The following PFKL variants were observed in gnomAD, a reference collection of about 807,000 sequenced individuals.
PFKL encodes phosphofructokinase, liver type.
Under a neutral mutation model 92.1 loss-of-function variants are expected in PFKL, and 74 were observed. The observed-to-expected ratio is 0.80, with a 90% CI of 0.67 to 0.97. The LOEUF (loss-of-function observed/expected upper bound fraction) is 0.97, where lower values mean the gene tolerates loss of function less well. Ranked by LOEUF, PFKL falls within the 50% of genes least tolerant of loss-of-function variation. PFKL has a pLI of 0.00. For synonymous variants in PFKL, 494 were observed against 456.4 expected, an observed-to-expected ratio of 1.08 and a Z score of -1.05; for missense variants, 1,028 against 1,116.6, an observed-to-expected ratio of 0.92 and a Z score of 1.13.
Position 44,326,147 on chromosome 21 carries a change from C to T in PFKL, c.2090-12C>T, listed in dbSNP as rs1475145047. On this transcript the variant is annotated splice_polypyrimidine_tract_variant and intron_variant, in intron 20 of 21. Transcript: ENST00000349048. ...CTCACCATGGAGGGCTGCCACGTGC[C>T]TCTGTTTGCAGGACGGGTGTTCGCC... is the stretch of plus-strand genomic sequence containing the variant. The T allele has an allele frequency of 1.2e-6, 2 of 1,611,412 alleles. No homozygotes were observed. The highest frequency in any genetic ancestry group is 1.1e-5 in the South Asian group (1 of 90,802).
At position 44,324,009 on chromosome 21, in the gene PFKL, G is replaced by C. The variant is rs2047428901; in HGVS notation, c.1650+91G>C. On this transcript the variant is annotated intron_variant, in intron 16 of 21. Transcript: ENST00000349048. ...AGGCTGCTGGAGGGGATAGTGTGTGGTGAGCACCTGGGAGGGCTGCCAGGG... is the reference window on the plus strand; with the variant it reads ...AGGCTGCTGGAGGGGATAGTGTGTGCTGAGCACCTGGGAGGGCTGCCAGGG... 3.4e-6 allele frequency: 5 copies of C among 1,471,984 alleles called. No homozygotes were observed. The Admixed American group carries it at 7.1e-5, about 21-fold the overall frequency. The allele number at this position is 1,471,984 out of a possible 1,614,324, so 91.2% of individuals were successfully genotyped here. A position where few individuals can be genotyped will look rare whatever the true frequency, so the allele number is the denominator to read the frequency against.
rs571892149 is a variant in PFKL at position 44,321,474 on chromosome 21, C to T, written c.1192-255C>T. On this transcript the variant is annotated intron_variant, in intron 12 of 21. Transcript: ENST00000349048. ...GCCTGGCTTCACAACAGTGCTCGCC[C>T]CTTCTGCCTCCTCTGTTGCCTGCGT... 812 of 331,078 alleles carry T rather than the reference C, an allele frequency of 2.5e-3. 8 individuals carry two copies. Among genetic ancestry groups the T allele is most frequent in the African/African-American group, 0.015 (720 of 46,804 alleles). 20.5% of individuals were successfully genotyped at this position (331,078 alleles called of 1,614,324 possible). A position where few individuals can be genotyped will look rare whatever the true frequency, so the allele number is the denominator to read the frequency against.
At chr21:44,319,227 G>T in intron 10 of PFKL, 124 bp from the exon 11 acceptor site, 1 of 787,792 alleles carries the variant, frequency 1.3e-6, no homozygotes, top group Non-Finnish European at 2.2e-6. Context: ...GAGGCTGCCA[G>T]GCCTGGGCCA....
At chr21:44,303,442 A>AAAAAAAAAAGACTTGATCG (rs2040835412) in intron 1 of PFKL, among the ~76,000 whole-genome samples, 3 of 144,572 alleles carry the variant, frequency 2.1e-5, no homozygotes, top group African/African-American at 7.9e-5. Flanking sequence ...CCAAAAAAAA[A>AAAAAAAAAAGACTTGATCG]AAAAAAAAAA....
chr21:44,306,899 G>T (rs1041033162), intron 2 of PFKL, 145 bp downstream of exon 2: 6 of 705,150 alleles, frequency 8.5e-6, no homozygotes, highest in African/African-American at 1.8e-5. Flanking sequence ...GGGAGTGTGA[G>T]GGGGAGCTTG....
At chr21:44,310,189 G>A (rs2041074856) in intron 2 of PFKL, among the ~76,000 whole-genome samples, 1 of 152,262 alleles carries the variant, frequency 6.6e-6, no homozygotes, top group South Asian at 2.1e-4. Context: ...AGTCATGAGT[G>A]TCCCTCCCCT....
At chr21:44,306,505 C>T (rs973169959) in intron 1 of PFKL, among the ~76,000 whole-genome samples, 176 bp from the exon 2 acceptor site, 1 of 151,360 alleles carries the variant, frequency 6.6e-6, no homozygotes, top group African/African-American at 2.4e-5. Flanking sequence ...TCCGGGCCTT[C>T]CCTGACCCTT....
chr21:44,306,750 A>G lies in PFKL; in HGVS notation c.155A>G (p.Tyr52Cys). 1 of 1,613,644 alleles carries G rather than the reference A, an allele frequency of 6.2e-7. No individual in the cohort carries two copies. Among genetic ancestry groups the G allele is most frequent in the African/African-American group, 1.3e-5 (1 of 75,042 alleles). ...IYVGAKVFLIYEGYEGLVEGG... is the reference protein window; with the variant it reads ...IYVGAKVFLICEGYEGLVEGG... ...GTGGGTGCCAAAGTCTTCCTCATCT[A>G]CGAGGTAAGGCCAAGGTGGGCTGTG... Residue 52 changes from tyrosine (Y) to cysteine (C), a missense_variant, in exon 2 of 22, where the codon TAC becomes TGC. Tyr to Cys is a radical substitution (Grantham distance 194). Coordinates refer to ENST00000349048, the MANE Select transcript of PFKL (RefSeq NM_002626.6).
intron 7 of PFKL, chr21:44,314,466 G>A (rs2847230): frequency 0.48 from 81,807 of 169,502 alleles, 21,207 homozygotes; most frequent in Non-Finnish European, 0.57. Context: ...GTCGGGGCCC[G>A]GGGGTGGGTT....
rs750731287 is a variant in PFKL at position 44,322,176 on chromosome 21, G to T, written c.1382G>T (p.Arg461Leu). The change falls in exon 14 of 22, where the codon CGT becomes CTT. Residue 461 changes from arginine to leucine, a missense_variant. Physicochemically the swap from Arg to Leu is moderately radical, Grantham distance 102 (BLOSUM62 -2). Coordinates refer to ENST00000349048, the MANE Select transcript of PFKL (RefSeq NM_002626.6). ...GWHDVAGWLGRGGSMLGTKRT... is the reference protein window; with the variant it reads ...GWHDVAGWLGLGGSMLGTKRT... ...CACGACGTGGCCGGCTGGTTGGGGC[G>T]TGGTGGCTCCATGCTGGGGACCAAG... is the stretch of plus-strand genomic sequence containing the variant. 2.5e-6 allele frequency: 4 copies of T among 1,604,812 alleles called. No homozygotes were observed. Among genetic ancestry groups the T allele is most frequent in the African/African-American group, 2.7e-5 (2 of 75,012 alleles).
In PFKL at chr21:44,320,108, T is replaced by G; in HGVS notation, c.1152T>G (p.Ile384Met). The change falls in exon 12 of 22, where the codon ATT (isoleucine) becomes ATG (methionine). Residue 384 changes from isoleucine (I) to methionine (M), a missense_variant. Physicochemically the swap from Ile to Met is conservative, Grantham distance 10. Coordinates refer to ENST00000349048, the MANE Select transcript of PFKL (RefSeq NM_002626.6). ...RGGSFENNWN[I>M]YKLLAHQKPP... ...GGAGCTTCGAGAACAACTGGAACATTTACAAGCTCCTCGCCCACCAGAAGC... is the reference window on the plus strand; with the variant it reads ...GGAGCTTCGAGAACAACTGGAACATGTACAAGCTCCTCGCCCACCAGAAGC... 6.2e-7 allele frequency: 1 copy of G among 1,613,414 alleles called. No homozygotes were observed. Among genetic ancestry groups the G allele is most frequent in the Non-Finnish European group, 8.5e-7 (1 of 1,179,810 alleles).
chr21:44,312,400 G>GGC, intron 4 of PFKL, 106 bp downstream of exon 4: 1 of 1,040,348 alleles, frequency 9.6e-7, no homozygotes, highest in Non-Finnish European at 1.3e-6. Flanking sequence ...TGGGTGCCCC[G>GGC]AGGCAGAGGA....
intron 1 of PFKL, among the ~76,000 whole-genome samples, chr21:44,303,410 C>CAAAAA (rs1190805609): frequency 5.5e-4 from 5 of 9,164 alleles, no homozygotes; most frequent in African/African-American, 2.9e-3. Context: ...GACTCTGTCT[C>CAAAAA]AAAAAAAAAA....
Position 44,324,603 on chromosome 21 carries a change from G to C in PFKL, c.1763G>C (p.Gly588Ala). ...YLATVTGIAV[G>A]ADAAYVFEDP... The stretch of plus-strand genomic sequence containing the variant: ...GCCACCGTGACTGGCATTGCTGTGG[G>C]GGCCGACGCCGCCTACGTCTTCGAG... The change falls in exon 17 of 22, where the codon GGG (glycine) becomes GCG (alanine). Residue 588 changes from glycine (G) to alanine (A), a missense_variant. Gly to Ala is a moderately conservative substitution (Grantham distance 60, BLOSUM62 0). Transcript: ENST00000349048. 1 of 1,612,198 alleles carries C rather than the reference G, an allele frequency of 6.2e-7. No homozygotes were observed. Among genetic ancestry groups the C allele is most frequent in the Non-Finnish European group, 8.5e-7 (1 of 1,179,250 alleles).
At position 44,305,796 on chromosome 21, in the gene PFKL, C is replaced by G. The variant is rs368295717; in HGVS notation, c.86-885C>G. 6.6e-6 allele frequency: 9 copies of G among 1,366,684 alleles called. No individual in the cohort carries two copies. In the African/African-American group the frequency reaches 1.0e-4, roughly 16 times the overall value. The allele number at this position is 1,366,684 out of a possible 1,614,324, so 84.7% of individuals were successfully genotyped here. A position where few individuals can be genotyped will look rare whatever the true frequency, so the allele number is the denominator to read the frequency against. On this transcript the variant is annotated intron_variant, in intron 1 of 21. Coordinates refer to ENST00000349048, the MANE Select transcript of PFKL (RefSeq NM_002626.6). ...CCGCCTCCCCCGTTAATGTCCCTCT[C>G]CAGGAAACTGGCTTTGCCAAGGCCC...
At chr21:44,308,003 G>A (rs1307118514) in intron 2 of PFKL, among the ~76,000 whole-genome samples, 1 of 152,312 alleles carries the variant, frequency 6.6e-6, no homozygotes, top group East Asian at 1.9e-4. Context: ...ACTTTGCCGT[G>A]CCTAGAGTCC....
chr21:44,305,018 G>A (rs2040891787), intron 1 of PFKL, among the ~76,000 whole-genome samples: 1 of 152,114 alleles, frequency 6.6e-6, no homozygotes, highest in Admixed American at 6.5e-5. Flanking sequence ...CTTCTGGATG[G>A]CTGCCGGGCT....
rs377552677 is a variant in PFKL, at chr21:44,307,314, C to T, written c.159+560C>T. 139 of 985,262 alleles carry T rather than the reference C, an allele frequency of 1.4e-4. 1 individual carries two copies. The South Asian group carries it at 5.9e-3, about 42-fold the overall frequency. The allele number at this position is 985,262 out of a possible 1,614,324, so 61.0% of individuals were successfully genotyped here. ...CAGTCCCCGTGGGAGATTTGGGGCT[C>T]GCCCTCCGTCCTGGGTATTTACACA... On this transcript the variant is annotated intron_variant, in intron 2 of 21. Coordinates refer to ENST00000349048, the MANE Select transcript of PFKL (RefSeq NM_002626.6).
chr21:44,316,482 C>A lies in PFKL; in HGVS notation c.894C>A (p.His298Gln). Residue 298 changes from histidine (H) to glutamine (Q), a missense_variant, in exon 9 of 22, where the codon CAC (histidine) becomes CAA (glutamine). Coordinates refer to ENST00000349048, the MANE Select transcript of PFKL (RefSeq NM_002626.6). Reference sequence around the variant, plus strand: ...ACACCCGTGTAACTGTGCTGGGCCACGTGCAGCGGGGAGGGACGCCCTCTG... The same window carrying A: ...ACACCCGTGTAACTGTGCTGGGCCAAGTGCAGCGGGGAGGGACGCCCTCTG... ...GFDTRVTVLG[H>Q]VQRGGTPSAF... The A allele has an allele frequency of 6.2e-7, 1 of 1,608,214 alleles. No individual in the cohort carries two copies. Among genetic ancestry groups the A allele is most frequent in the Non-Finnish European group, 8.5e-7 (1 of 1,176,328 alleles).
Sources: gnomAD v4.1 joint callset for allele counts (sites outside exome capture counted in the v4.1 genomes callset) on GRCh38, gnomAD v4.1.1 for gene constraint, MANE v1.5 for transcripts, NCBI Gene and HGNC (gene_info 2026-07-23, HGNC 2026-07-21) for gene names.